The following CNBD1 variants were observed in gnomAD, a reference collection of about 807,000 sequenced individuals.
CNBD1 encodes cyclic nucleotide binding domain containing 1, also known as cyclic nucleotide-binding domain-containing protein 1.
A neutral mutation model predicts 54.4 loss-of-function variants in CNBD1; 71 were observed. That is an observed-to-expected ratio of 1.30 (90% CI 1.08 to 1.59). CNBD1 has a LOEUF of 1.59. Among genes scored for constraint, CNBD1 ranks in the 40% most tolerant of loss-of-function variants. The pLI, the probability that CNBD1 is intolerant of heterozygous loss-of-function variation, is 0.00. For synonymous variants in CNBD1, 182 were observed against 170.7 expected (o/e 1.07, Z -0.51); for missense variants, 659 against 518.0 (o/e 1.27, Z -2.64).
rs116290346 is a variant in CNBD1 at position 86,868,899 on chromosome 8, G to T, written c.88+2316G>T. Among the ~76,000 whole-genome samples the T allele has an allele frequency of 7.9e-3, 1,197 of 151,898 alleles. 22 individuals carry two copies. Among genetic ancestry groups the T allele is most frequent in the African/African-American group, 0.027 (1,114 of 41,418 alleles). Reference sequence around the variant, plus strand: ...TGGGAGAATATTCCGGTTTGTCTGGGTACCAGCCACAATTGTGAGAGCCCT... The same window carrying T: ...TGGGAGAATATTCCGGTTTGTCTGGTTACCAGCCACAATTGTGAGAGCCCT... On this transcript the variant is annotated intron_variant, in intron 1 of 10. Coordinates refer to ENST00000518476, the MANE Select transcript of CNBD1 (RefSeq NM_173538.3).
chr8:87,353,532 A>G (rs1810349215), intron 9 of CNBD1, 104 bp from the exon 10 acceptor site: 1 of 696,420 alleles, frequency 1.4e-6, no homozygotes. Context: ...TATTTTAAAT[A>G]TCATTTAGTA....
At chr8:87,300,140 A>G (rs1808956126) in intron 8 of CNBD1, among the ~76,000 whole-genome samples, 2 of 152,210 alleles carry the variant, frequency 1.3e-5, no homozygotes, top group South Asian at 2.1e-4. Context: ...TTTAAAAAAT[A>G]TAAATATGAT....
At chr8:87,356,075 G>A (rs1245634194) in intron 10 of CNBD1, among the ~76,000 whole-genome samples, 3 of 148,722 alleles carry the variant, frequency 2.0e-5, no homozygotes, top group East Asian at 1.9e-4. Context: ...CTCACCAGAA[G>A]CCAAGCAGAT....
At chr8:87,189,865 T>G (rs1813561275) in intron 4 of CNBD1, among the ~76,000 whole-genome samples, 1 of 152,200 alleles carries the variant, frequency 6.6e-6, no homozygotes, top group South Asian at 2.1e-4. Context: ...GAAGGTGATG[T>G]GCATATTAAT....
chr8:87,249,535 C>A (rs758667974), intron 6 of CNBD1, among the ~76,000 whole-genome samples: 5 of 152,060 alleles, frequency 3.3e-5, no homozygotes, highest in Non-Finnish European at 7.4e-5. Context: ...CATTTCCATC[C>A]CATTGGCTAG....
intron 8 of CNBD1, among the ~76,000 whole-genome samples, chr8:87,290,808 A>G (rs1322067025): frequency 5.3e-5 from 8 of 152,134 alleles, no homozygotes; most frequent in Non-Finnish European, 1.0e-4. Context: ...TCTGGCTTCT[A>G]TTGTTTCTGA....
At chr8:87,061,520 A>G (rs572693631) in intron 4 of CNBD1, among the ~76,000 whole-genome samples, 1 of 152,290 alleles carries the variant, frequency 6.6e-6, no homozygotes, top group South Asian at 2.1e-4. Context: ...ATTTACATTC[A>G]TGTTAAATGT....
intron 6 of CNBD1, among the ~76,000 whole-genome samples, chr8:87,239,508 TA>T (rs539489067): frequency 1.3e-5 from 2 of 152,120 alleles, no homozygotes; most frequent in South Asian, 2.1e-4. Context: ...TTTGGCTTTA[TA>T]AAAAAACATT....
chr8:87,270,207 C>A (rs903718194), intron 6 of CNBD1, among the ~76,000 whole-genome samples: 38 of 151,840 alleles, frequency 2.5e-4, no homozygotes, highest in African/African-American at 8.7e-4. Context: ...TAAAATTCAA[C>A]ATTTCTTCAT....
intron 8 of CNBD1, among the ~76,000 whole-genome samples, chr8:87,334,016 GT>G (rs796222950): frequency 6.6e-6 from 1 of 151,382 alleles, no homozygotes; most frequent in Non-Finnish European, 1.5e-5. Context: ...TTGTTTCTTT[GT>G]TTTTTGGTCG....
chr8:87,002,061 G>T (rs756404239), intron 4 of CNBD1, among the ~76,000 whole-genome samples: 1 of 152,168 alleles, frequency 6.6e-6, no homozygotes, highest in African/African-American at 2.4e-5. Flanking sequence ...CTATAGAAAT[G>T]TTATTTACTT....
chr8:86,958,251 A>G (rs111977629), intron 4 of CNBD1, among the ~76,000 whole-genome samples: 5,544 of 152,242 alleles, frequency 0.036, 119 homozygotes, highest in Non-Finnish European at 0.044. Flanking sequence ...ACTTCCTACT[A>G]TGTGGTCAAT....
At chr8:87,035,717 C>G (rs1176249704) in intron 4 of CNBD1, among the ~76,000 whole-genome samples, 1 of 152,074 alleles carries the variant, frequency 6.6e-6, no homozygotes, top group African/African-American at 2.4e-5. Context: ...TTATATAAAA[C>G]AGAACTTTGC....
chr8:86,953,595 G>A (rs564001164), intron 4 of CNBD1, among the ~76,000 whole-genome samples: 8 of 152,232 alleles, frequency 5.3e-5, no homozygotes, highest in East Asian at 3.9e-4. Flanking sequence ...GGCCGAGCAC[G>A]GTGGCTCATG....
chr8:87,282,287 A>G (rs529605701), intron 6 of CNBD1, among the ~76,000 whole-genome samples: 11 of 151,774 alleles, frequency 7.2e-5, no homozygotes, highest in Admixed American at 1.3e-4. Flanking sequence ...TCTTATTTTA[A>G]AAGAGTACCA....
chr8:87,185,286 A>T (rs1379206926), intron 4 of CNBD1, among the ~76,000 whole-genome samples: 1 of 152,190 alleles, frequency 6.6e-6, no homozygotes, highest in African/African-American at 2.4e-5. Flanking sequence ...TTGAAAAATG[A>T]TGTTGAAATT....
chr8:86,990,588 C>T (rs940635900), intron 4 of CNBD1, among the ~76,000 whole-genome samples: 3 of 152,140 alleles, frequency 2.0e-5, no homozygotes, highest in Non-Finnish European at 4.4e-5. Flanking sequence ...GTTTTGGTTA[C>T]TATAGCTCTG....
chr8:87,362,952 C>T lies in CNBD1; in HGVS notation c.1303+9166C>T, dbSNP rs550675272. ...CACATGCCGTGGTGGTTTGCTGTAC[C>T]CATCAACCCGTCATCTATATTAGGT... On this transcript the variant is annotated intron_variant, in intron 10 of 10. Transcript: ENST00000518476. Among the ~76,000 whole-genome samples, 7 of 151,892 alleles carry T rather than the reference C, an allele frequency of 4.6e-5. No homozygotes were observed. The East Asian group carries it at 1.4e-3, about 30-fold the overall frequency.
intron 4 of CNBD1, among the ~76,000 whole-genome samples, chr8:87,156,354 C>T (rs1014992760): frequency 2.1e-5 from 3 of 145,152 alleles, no homozygotes; most frequent in African/African-American, 2.6e-5. Context: ...AAACGATTCT[C>T]GTGCCTCAGC....
Sources: gnomAD v4.1 joint callset for allele counts (sites outside exome capture counted in the v4.1 genomes callset) on GRCh38, gnomAD v4.1.1 for gene constraint, MANE v1.5 for transcripts, NCBI Gene and HGNC (gene_info 2026-07-23, HGNC 2026-07-21) for gene names.